CDH26: variants seen among roughly 807,000 people sequenced by gnomAD.
CDH26 encodes cadherin 26.
In CDH26, 83 loss-of-function variants were observed where a neutral mutation model predicts 90.3. That is an observed-to-expected ratio of 0.92 (90% confidence interval 0.77 to 1.10). The LOEUF is 1.10. CDH26 is among the 50% of genes least tolerant of loss of function. The pLI is 0.00. For synonymous variants in CDH26, 397 were observed against 396.3 expected (o/e 1.00, Z -0.02); for missense variants, 1,013 against 1,037.6 (o/e 0.98, Z 0.33).
chr20:60,035,108 G>C (rs1361618004), downstream of CDH26, among the ~76,000 whole-genome samples: 1 of 152,198 alleles, frequency 6.6e-6, no homozygotes, highest in Non-Finnish European at 1.5e-5. Flanking sequence ...ATCCTGCCCT[G>C]TCAACATAGG....
Position 60,003,569 on chromosome 20 carries a change from T to C in CDH26, c.2220+703T>C, listed in dbSNP as rs1423033532. On this transcript the variant is annotated intron_variant, in intron 16 of 17. Transcript: ENST00000348616. ...CAATGTTAGGATTCTCTTTGATTAA[T>C]GAAACATGGGACCAAAAGCTTCATT... 2.6e-5 allele frequency among the ~76,000 whole-genome samples: 4 copies of C among 152,180 alleles called. No individual in the cohort carries two copies. In the South Asian group the frequency reaches 8.3e-4, roughly 31 times the overall value.
intron 3 of CDH26, among the ~76,000 whole-genome samples, chr20:59,971,026 C>G (rs1167642333): frequency 6.6e-6 from 1 of 152,056 alleles, no homozygotes; most frequent in Non-Finnish European, 1.5e-5. Flanking sequence ...TGAGCACTGC[C>G]TTGAAGAAGT....
At chr20:60,029,574 C>T (rs909860498) in intron 7 of CDH26, among the ~76,000 whole-genome samples, 2 of 152,074 alleles carry the variant, frequency 1.3e-5, no homozygotes, top group Non-Finnish European at 2.9e-5. Flanking sequence ...CCTATCAACC[C>T]GTCATCTAGG....
rs6071068 is a variant in CDH26, at chr20:59,994,508, T to C, written c.1666+19T>C. On this transcript the variant is annotated intron_variant, in intron 11 of 17. Coordinates refer to ENST00000348616, the MANE Select transcript of CDH26 (RefSeq NM_177980.4). Reference sequence around the variant, plus strand: ...AATTGGGGTGAGTTTTTGTATTGGTTACGGGCAAAGAGTGGAAAATGCCAG... The same window carrying C: ...AATTGGGGTGAGTTTTTGTATTGGTCACGGGCAAAGAGTGGAAAATGCCAG... 35,792 of 1,612,008 alleles carry C rather than the reference T, an allele frequency of 0.022. 475 individuals carry two copies. The highest frequency in any genetic ancestry group is 0.028 in the Middle Eastern group (172 of 6,056).
intron 3 of CDH26, among the ~76,000 whole-genome samples, chr20:59,970,529 G>A (rs1162780115): frequency 2.0e-5 from 3 of 150,640 alleles, no homozygotes; most frequent in Admixed American, 6.6e-5. Flanking sequence ...GGAGATTGTC[G>A]GCCAGGCGCG....
chr20:59,966,978 A>G (rs2061156774), intron 1 of CDH26, among the ~76,000 whole-genome samples: 1 of 150,140 alleles, frequency 6.7e-6, no homozygotes. Context: ...TGAAAAATCA[A>G]TGATAAGTAA....
intron 7 of CDH26, among the ~76,000 whole-genome samples, chr20:60,026,208 C>T (rs1435421313): frequency 6.6e-6 from 1 of 152,166 alleles, no homozygotes; most frequent in East Asian, 1.9e-4. Context: ...AGACATCCTC[C>T]CAAGATTCCT....
chr20:59,995,637 G>A (rs2061583269), intron 11 of CDH26, among the ~76,000 whole-genome samples, 196 bp from the exon 12 acceptor site: 1 of 152,232 alleles, frequency 6.6e-6, no homozygotes, highest in Admixed American at 6.5e-5. Context: ...TGTTGAACCT[G>A]AGGGTGGTCT....
At position 59,987,565 on chromosome 20, in the gene CDH26, A is replaced by T. The variant is rs1247524469; in HGVS notation, c.950A>T (p.His317Leu). The stretch of plus-strand genomic sequence containing the variant: ...TGGAGAGCAAAATTCAACATATTGC[A>T]TGGCAATGAAGAGGGGCATTTTGAC... ...SAWRAKFNILHGNEEGHFDIS... is the reference protein window; with the variant it reads ...SAWRAKFNILLGNEEGHFDIS... Residue 317 changes from histidine to leucine, a missense_variant, in exon 8 of 18, where the codon CAT becomes CTT. Transcript: ENST00000348616. 2.5e-6 allele frequency: 4 copies of T among 1,613,952 alleles called. No individual in the cohort carries two copies. Among genetic ancestry groups the T allele is most frequent in the Admixed American group, 3.3e-5 (2 of 59,988 alleles).
At chr20:60,020,351 T>C (rs1301587946) in intron 7 of CDH26, among the ~76,000 whole-genome samples, 1 of 152,174 alleles carries the variant, frequency 6.6e-6, no homozygotes, top group Non-Finnish European at 1.5e-5. Context: ...GGCCTGGGGA[T>C]GTATCAGCTG....
intron 1 of CDH26, 103 bp downstream of exon 1, chr20:59,958,898 G>A: frequency 8.5e-7 from 1 of 1,178,308 alleles, no homozygotes; most frequent in Non-Finnish European, 1.2e-6. Context: ...GGGACTGAGT[G>A]TGACCTGCTG....
At chr20:59,975,944 T>A (rs1004815818) in intron 4 of CDH26, among the ~76,000 whole-genome samples, 3 of 152,162 alleles carry the variant, frequency 2.0e-5, no homozygotes, top group Non-Finnish European at 4.4e-5. Context: ...ACTGTAAGAT[T>A]TGAGACAGAG....
chr20:60,017,409 C>T (rs1223514007), downstream of CDH26, among the ~76,000 whole-genome samples: 1 of 151,906 alleles, frequency 6.6e-6, no homozygotes, highest in African/African-American at 2.4e-5. Context: ...TAGTTGTTCA[C>T]AGTAATTAAT....
rs549992515 is a variant in CDH26, at chr20:59,985,130, G to C, written c.837+1G>C. On this transcript the variant is annotated splice_donor_variant, in intron 7 of 17. Coordinates refer to ENST00000348616, the MANE Select transcript of CDH26 (RefSeq NM_177980.4). LOFTEE classifies it high-confidence loss of function. ...CAGGCCTGCATTTACCCAGGAGAAC[G>C]TGAGGCTCCTGGGCCGCCCCAACGT... 3 of 1,612,394 alleles carry C rather than the reference G, an allele frequency of 1.9e-6. No individual in the cohort carries two copies. The highest frequency in any genetic ancestry group is 8.5e-7 in the Non-Finnish European group (1 of 1,179,750).
chr20:59,963,676 A>G (rs2061107619), intron 1 of CDH26, among the ~76,000 whole-genome samples: 1 of 152,128 alleles, frequency 6.6e-6, no homozygotes, highest in Admixed American at 6.5e-5. Flanking sequence ...CCAGGACAGC[A>G]GGGACATTCT....
At chr20:59,962,804 G>C (rs2145966411) in intron 1 of CDH26, among the ~76,000 whole-genome samples, 1 of 152,298 alleles carries the variant, frequency 6.6e-6, no homozygotes, top group South Asian at 2.1e-4. Context: ...AAGTGAACTT[G>C]ACAGAACTTG....
chr20:60,021,489 C>T (rs1386549822), intron 7 of CDH26, among the ~76,000 whole-genome samples: 2 of 152,138 alleles, frequency 1.3e-5, no homozygotes, highest in Non-Finnish European at 1.5e-5. Context: ...TATTTGGAAC[C>T]TCTACATCAT....
At position 59,980,544 on chromosome 20, in the gene CDH26, C is replaced by T. The variant is rs377700936; in HGVS notation, c.394-2379C>T. Among the ~76,000 whole-genome samples the T allele has an allele frequency of 4.8e-3, 723 of 152,106 alleles. 5 individuals carry two copies. The highest frequency in any genetic ancestry group is 0.016 in the African/African-American group (681 of 41,496). ...AACTCCTGACCTCAGGTAATCCACC[C>T]GGCTAGGCCTCCCAAAGTGCTGGGA... On this transcript the variant is annotated intron_variant, in intron 4 of 17. Transcript: ENST00000348616.
intron 7 of CDH26, among the ~76,000 whole-genome samples, chr20:60,021,897 C>CACACACACATATATATATATATATATAT (rs1295572684): frequency 3.8e-5 from 3 of 78,998 alleles, no homozygotes; most frequent in Non-Finnish European, 8.9e-5. Flanking sequence ...CACACACACA[C>CACACACACATATATATATATATATATAT]ATATATATAT....
Sources: gnomAD v4.1 joint callset for allele counts (sites outside exome capture counted in the v4.1 genomes callset) on GRCh38, gnomAD v4.1.1 for gene constraint, MANE v1.5 for transcripts, NCBI Gene and HGNC (gene_info 2026-07-23, HGNC 2026-07-21) for gene names.